The following C5 variants were observed in gnomAD, a reference collection of about 807,000 sequenced individuals.
C5 encodes the protein C3 and PZP-like alpha-2-macroglobulin domain-containing protein 4.
A neutral mutation model predicts 218.8 loss-of-function variants in C5; 140 were observed. The observed-to-expected ratio is 0.64, with a 90% confidence interval of 0.56 to 0.74. C5 has a LOEUF of 0.74. Ranked by LOEUF, C5 falls within the 30% of genes least tolerant of loss-of-function variation. C5 has a pLI of 0.00. For missense variants in C5, 1,700 were observed against 1,969.6 expected (o/e 0.86, Z 2.59); for synonymous variants, 614 against 682.3 (o/e 0.90, Z 1.56).
In C5 at chr9:121,006,195, C is replaced by T; in HGVS notation, c.2423-137G>A. 3 of 768,218 alleles carry T rather than the reference C, an allele frequency of 3.9e-6. No homozygotes were observed. The South Asian group carries it at 5.2e-5, about 13-fold the overall frequency. The allele number at this position is 768,218 out of a possible 1,614,324, so 47.6% of individuals were successfully genotyped here. On this transcript the variant is annotated intron_variant, in intron 19 of 40. Coordinates refer to ENST00000223642, the MANE Select transcript of C5 (RefSeq NM_001735.3). ...ATCATGTTTTTCTCTGAACTCTCAA[C>T]TCATGTCCTTGAATTTTCTATTCAT...
chr9:120,961,047 T>C (rs975058956), intron 37 of C5, among the ~76,000 whole-genome samples: 5 of 152,224 alleles, frequency 3.3e-5, no homozygotes, highest in Non-Finnish European at 1.5e-5. Flanking sequence ...GAGTTCTGGA[T>C]CTTTTCCTTG....
chr9:121,028,495 C>A (rs2047444523), intron 7 of C5, among the ~76,000 whole-genome samples: 1 of 152,144 alleles, frequency 6.6e-6, no homozygotes, highest in African/African-American at 2.4e-5. Context: ...ACATATACAC[C>A]ATGGAATACT....
chr9:120,983,454 C>T (rs1412831083), intron 25 of C5, among the ~76,000 whole-genome samples: 1 of 152,176 alleles, frequency 6.6e-6, no homozygotes, highest in Non-Finnish European at 1.5e-5. Context: ...GGCTCCACTC[C>T]CCAGGTCCTC....
intron 22 of C5, among the ~76,000 whole-genome samples, chr9:120,992,498 G>T (rs2047084200): frequency 6.6e-6 from 1 of 152,172 alleles, no homozygotes; most frequent in Admixed American, 6.5e-5. Context: ...TACAATTCAT[G>T]CTCAATATAT....
At chr9:120,983,821 C>T (rs1045801785) in intron 25 of C5, among the ~76,000 whole-genome samples, 1 of 151,870 alleles carries the variant, frequency 6.6e-6, no homozygotes, top group Non-Finnish European at 1.5e-5. Context: ...AATCCAAAAG[C>T]ACAAAGGGAT....
chr9:121,031,682 G>A (rs887661319), intron 6 of C5, among the ~76,000 whole-genome samples: 3 of 152,286 alleles, frequency 2.0e-5, no homozygotes, highest in South Asian at 4.1e-4. Context: ...CTAGCCATAC[G>A]TACAGGCTGC....
At chr9:120,958,074 T>C (rs1017335086) in intron 38 of C5, among the ~76,000 whole-genome samples, 9 of 152,224 alleles carry the variant, frequency 5.9e-5, no homozygotes, top group East Asian at 5.8e-4. Context: ...ATTAGTGACC[T>C]AAAAGATTTG....
chr9:121,032,573 A>G (rs2047485537), intron 5 of C5, among the ~76,000 whole-genome samples: 1 of 152,266 alleles, frequency 6.6e-6, no homozygotes, highest in African/African-American at 2.4e-5. Flanking sequence ...ACGTCTCTAG[A>G]AACATATAAT....
intron 25 of C5, among the ~76,000 whole-genome samples, chr9:120,986,927 GTCAC>G (rs2047037288): frequency 6.6e-6 from 1 of 152,106 alleles, no homozygotes; most frequent in Non-Finnish European, 1.5e-5. Context: ...TTTGAAGTGT[GTCAC>G]CCACACATGG....
chr9:121,040,503 C>T (rs929067319), intron 3 of C5, among the ~76,000 whole-genome samples: 2 of 152,056 alleles, frequency 1.3e-5, no homozygotes, highest in South Asian at 2.1e-4. Context: ...ATGTGTTGAT[C>T]GGGACATTAT....
At chr9:120,980,309 G>T (rs2046982829) in intron 27 of C5, 55 bp from the exon 28 acceptor site, 2 of 1,456,746 alleles carry the variant, frequency 1.4e-6, no homozygotes, top group Middle Eastern at 3.6e-4. Context: ...CCTATCAATT[G>T]ATATGAACTA....
At chr9:121,008,335 G>T in intron 18 of C5, 73 bp downstream of exon 18, 1 of 1,051,052 alleles carries the variant, frequency 9.5e-7, no homozygotes, top group South Asian at 1.3e-5. Context: ...GAAATGGGTA[G>T]TTTCTAGATT....
chr9:120,997,485 C>G (rs377594647), intron 21 of C5, 62 bp downstream of exon 21: 122 of 1,197,150 alleles, frequency 1.0e-4, no homozygotes, highest in East Asian at 1.9e-4. Flanking sequence ...CTCTCCCCCC[C>G]CTTTCTGTGT....
chr9:120,955,631 A>G lies in C5; in HGVS notation c.4762+1654T>C, dbSNP rs183491460. On this transcript the variant is annotated intron_variant, in intron 39 of 40. Coordinates refer to ENST00000223642, the MANE Select transcript of C5 (RefSeq NM_001735.3). ...GCCTGCAAATTAAAAAATTGTGACC[A>G]TCAATGAAGAAAAAAATAAAATAAC... Among the ~76,000 whole-genome samples the G allele has an allele frequency of 2.0e-5, 3 of 152,322 alleles. No individual in the cohort carries two copies. The East Asian group carries it at 5.8e-4, about 29-fold the overall frequency.
At chr9:121,064,483 T>C in the C5 span, among the ~76,000 whole-genome samples, 1 of 152,244 alleles carries the variant, frequency 6.6e-6, no homozygotes, top group Non-Finnish European at 1.5e-5. Flanking sequence ...TCATCTGTGA[T>C]AGAATTATTG....
chr9:120,972,011 A>C lies in C5; in HGVS notation c.4018-19T>G. 1 of 1,251,796 alleles carries C rather than the reference A, an allele frequency of 8.0e-7. No individual in the cohort carries two copies. Among genetic ancestry groups the C allele is most frequent in the Non-Finnish European group, 1.1e-6 (1 of 939,532 alleles). 77.5% of individuals were successfully genotyped at this position (1,251,796 alleles called of 1,614,324 possible). A position where few individuals can be genotyped will look rare whatever the true frequency, so the allele number is the denominator to read the frequency against. ...GAAGCACCTGGAAAGATAATAGAGA[A>C]ACAAACCATGCTTTCTTTCATCATT... On this transcript the variant is annotated intron_variant, in intron 30 of 40. Transcript: ENST00000223642.
intron 22 of C5, among the ~76,000 whole-genome samples, chr9:120,994,580 C>T (rs1359628699): frequency 7.5e-6 from 1 of 132,652 alleles, no homozygotes; most frequent in Non-Finnish European, 1.7e-5. Context: ...GAGACCCTGT[C>T]CCCCCACCCC....
In C5 at chr9:120,968,697, A is replaced by G. The variant is rs570470033; in HGVS notation, c.4220+364T>C. On this transcript the variant is annotated intron_variant, in intron 33 of 40. Coordinates refer to ENST00000223642, the MANE Select transcript of C5 (RefSeq NM_001735.3). ...AGCTTGAGTTGAGAATCTAGCTGAT[A>G]ATGGATTTTGTTAGGTAAATGTGAT... Among the ~76,000 whole-genome samples, 11 of 152,308 alleles carry G rather than the reference A, an allele frequency of 7.2e-5. 1 individual carries two copies. In the South Asian group the frequency reaches 1.4e-3, roughly 20 times the overall value.
intron 7 of C5, 65 bp downstream of exon 7, chr9:121,030,332 A>G (rs2047462959): frequency 1.2e-6 from 1 of 859,046 alleles, no homozygotes; most frequent in East Asian, 2.7e-5. Flanking sequence ...GGCAACTATC[A>G]TCAACCAGAG....
Sources: gnomAD v4.1 joint callset for allele counts (sites outside exome capture counted in the v4.1 genomes callset) on GRCh38, gnomAD v4.1.1 for gene constraint, MANE v1.5 for transcripts, NCBI Gene and HGNC (gene_info 2026-07-23, HGNC 2026-07-21) for gene names.